ANK3: variants seen among roughly 807,000 people sequenced by gnomAD.
The protein encoded by ANK3 is ankyrin 3, also known as ankyrin-3.
ANK3 carries 57 observed loss-of-function variants against 370.9 expected under a neutral mutation model. That is an observed-to-expected ratio of 0.15 (90% confidence interval 0.12 to 0.19). The LOEUF (loss-of-function observed/expected upper bound fraction) is 0.19, where lower values mean the gene tolerates loss of function less well. ANK3 is among the 10% of genes least tolerant of loss of function. ANK3 has a pLI of 1.00. For missense variants in ANK3, 4,439 were observed against 5,302.1 expected, an observed-to-expected ratio of 0.84 and a Z score of 5.06; for synonymous variants, 1,929 against 1,946.3, an observed-to-expected ratio of 0.99 and a Z score of 0.23.
chr10:60,169,414 G>A (rs192240889), intron 21 of ANK3, among the ~76,000 whole-genome samples: 55 of 137,080 alleles, frequency 4.0e-4, no homozygotes, highest in Admixed American at 5.4e-4. Context: ...TATGTTTTAC[G>A]GAGGAAGATC....
At chr10:60,479,632 C>T (rs1308546853) in intron 2 of ANK3, among the ~76,000 whole-genome samples, 1 of 152,060 alleles carries the variant, frequency 6.6e-6, no homozygotes, top group Non-Finnish European at 1.5e-5. Flanking sequence ...CAGTGAAATA[C>T]ATTTCTTTAC....
At chr10:60,371,948 C>T (rs941548089) in intron 1 of ANK3, among the ~76,000 whole-genome samples, 1 of 152,100 alleles carries the variant, frequency 6.6e-6, no homozygotes, top group African/African-American at 2.4e-5. Flanking sequence ...AGGGTTGTTC[C>T]TTAATCAATA....
intron 1 of ANK3, among the ~76,000 whole-genome samples, chr10:60,654,246 G>A (rs1806226049): frequency 6.6e-6 from 1 of 152,104 alleles, no homozygotes; most frequent in Non-Finnish European, 1.5e-5. Context: ...ACATAGACAA[G>A]TATGTTGTCT....
At position 60,055,885 on chromosome 10, in the gene ANK3, T is replaced by C. The variant is rs753206170; in HGVS notation, c.12838A>G (p.Lys4280Glu). The C allele has an allele frequency of 6.2e-7, 1 of 1,614,212 alleles. No individual in the cohort carries two copies. The highest frequency in any genetic ancestry group is 1.3e-5 in the African/African-American group (1 of 75,070). Residue 4280 changes from lysine (K) to glutamate (E), a missense_variant, in exon 42 of 44, where the codon AAG (lysine) becomes GAG (glutamate). By Grantham distance (56) the Lys-to-Glu change is moderately conservative. Transcript: ENST00000280772. ...SQNDVGKQSTKETLKPKIHGS... is the reference protein window; with the variant it reads ...SQNDVGKQSTEETLKPKIHGS... ...TGTATTTTTGGTTTCAGAGTTTCCT[T>C]GGTACTCTGTTTTCCTACATCATTT... is the stretch of plus-strand genomic sequence containing the variant.
chr10:60,332,332 A>T (rs7911934), intron 1 of ANK3, among the ~76,000 whole-genome samples: 1 of 152,046 alleles, frequency 6.6e-6, no homozygotes, highest in Non-Finnish European at 1.5e-5. Context: ...ACAATGTGTC[A>T]AGAAAATAGG....
intron 2 of ANK3, among the ~76,000 whole-genome samples, chr10:60,447,119 C>A (rs986726969): frequency 5.9e-5 from 9 of 152,172 alleles, no homozygotes; most frequent in Non-Finnish European, 8.8e-5. Context: ...CGGCCACATC[C>A]CAGGCATCTG....
At chr10:60,568,360 A>G (rs1228582729) in intron 2 of ANK3, among the ~76,000 whole-genome samples, 1 of 152,248 alleles carries the variant, frequency 6.6e-6, no homozygotes, top group Non-Finnish European at 1.5e-5. Flanking sequence ...TAAGACTCGC[A>G]GAAAGTTCAA....
intron 24 of ANK3, 177 bp downstream of exon 24, chr10:60,138,787 G>A (rs531463890): frequency 1.8e-4 from 144 of 782,158 alleles, no homozygotes; most frequent in Middle Eastern, 9.2e-4. Flanking sequence ...ATTAACAACC[G>A]CAAACCACAA....
intron 1 of ANK3, among the ~76,000 whole-genome samples, chr10:60,375,100 G>A (rs183931094): frequency 1.2e-3 from 182 of 152,262 alleles, no homozygotes; most frequent in African/African-American, 4.2e-3. Context: ...TTCTCTGGGT[G>A]ATCTTTGCCT....
At chr10:60,170,553 G>A (rs556714616) in intron 21 of ANK3, among the ~76,000 whole-genome samples, 1 of 152,294 alleles carries the variant, frequency 6.6e-6, no homozygotes, top group South Asian at 2.1e-4. Flanking sequence ...TTTAATCAAC[G>A]TGAACACTTC....
chr10:60,096,933 T>C (rs1327478023), intron 28 of ANK3, among the ~76,000 whole-genome samples: 1 of 152,220 alleles, frequency 6.6e-6, no homozygotes, highest in Non-Finnish European at 1.5e-5. Context: ...CATAATGCCA[T>C]AGACTATGAA....
chr10:60,363,620 C>A (rs1213793061), intron 1 of ANK3, among the ~76,000 whole-genome samples: 1 of 152,168 alleles, frequency 6.6e-6, no homozygotes, highest in Admixed American at 6.5e-5. Flanking sequence ...GTGATGGCCC[C>A]AAAGGGCATA....
intron 7 of ANK3, among the ~76,000 whole-genome samples, chr10:60,240,185 CATAT>C (rs1165305781): frequency 4.5e-5 from 6 of 134,652 alleles, no homozygotes; most frequent in African/African-American, 1.7e-4. Context: ...CATATATACA[CATAT>C]ATATACACAC....
intron 1 of ANK3, among the ~76,000 whole-genome samples, chr10:60,663,099 G>T (rs925317699): frequency 6.6e-6 from 1 of 152,106 alleles, no homozygotes; most frequent in Non-Finnish European, 1.5e-5. Context: ...CCCAAAATGA[G>T]CAATTCACAT....
intron 23 of ANK3, among the ~76,000 whole-genome samples, chr10:60,160,091 TA>T (rs2095456282): frequency 2.0e-5 from 3 of 152,058 alleles, no homozygotes; most frequent in East Asian, 1.9e-4. Flanking sequence ...AAATTGAGAC[TA>T]AAAATATACT....
chr10:60,681,969 T>C (rs2079201744), intron 1 of ANK3, among the ~76,000 whole-genome samples: 1 of 151,984 alleles, frequency 6.6e-6, no homozygotes, highest in African/African-American at 2.4e-5. Flanking sequence ...CTGGACAATA[T>C]AGCAAGACTC....
chr10:60,511,963 T>C (rs559314351), intron 2 of ANK3, among the ~76,000 whole-genome samples: 1 of 152,080 alleles, frequency 6.6e-6, no homozygotes, highest in Non-Finnish European at 1.5e-5. Context: ...TATCCTGAAA[T>C]TATCTAGGTT....
intron 1 of ANK3, among the ~76,000 whole-genome samples, chr10:60,360,255 G>C (rs2058390954): frequency 6.6e-6 from 1 of 152,116 alleles, no homozygotes; most frequent in African/African-American, 2.4e-5. Context: ...ATTAAGTGAG[G>C]ATCTACTTTT....
At chr10:60,505,045 T>C (rs1170314940) in intron 2 of ANK3, among the ~76,000 whole-genome samples, 1 of 152,156 alleles carries the variant, frequency 6.6e-6, no homozygotes, top group Non-Finnish European at 1.5e-5. Context: ...ATATGAAGCA[T>C]TTAAAAGCAA....
Sources: allele counts gnomAD v4.1 joint callset (sites outside exome capture counted in the v4.1 genomes callset), GRCh38; gene constraint gnomAD v4.1.1; transcripts MANE v1.5; gene names NCBI Gene and HGNC (gene_info 2026-07-23, HGNC 2026-07-21).